KCTD8: variants seen among roughly 807,000 people sequenced by gnomAD.
KCTD8 encodes potassium channel tetramerization domain containing 8.
A neutral mutation model predicts 31.5 loss-of-function variants in KCTD8; 27 were observed. The observed-to-expected ratio is 0.86, with a 90% CI of 0.63 to 1.18. The LOEUF (loss-of-function observed/expected upper bound fraction) is 1.18. Among genes scored for constraint, KCTD8 ranks in the 50% most tolerant of loss-of-function variants. The probability of loss-of-function intolerance (pLI) is 0.00; values close to 1 mark genes in which losing one functional copy is unlikely to be tolerated. For missense variants in KCTD8, 658 were observed against 647.7 expected (o/e 1.02, Z -0.17); for synonymous variants, 290 against 280.0 (o/e 1.04, Z -0.36).
chr4:44,367,941 T>C (rs1261158734), intron 1 of KCTD8, among the ~76,000 whole-genome samples: 2 of 152,144 alleles, frequency 1.3e-5, no homozygotes, highest in African/African-American at 4.8e-5. Context: ...TTTTGTTTGC[T>C]TTATCAAGAT....
intron 1 of KCTD8, among the ~76,000 whole-genome samples, chr4:44,436,992 A>G (rs1033775413): frequency 1.3e-5 from 2 of 151,928 alleles, no homozygotes; most frequent in African/African-American, 4.8e-5. Context: ...ATATTACATT[A>G]CTCTAGATTT....
intron 1 of KCTD8, among the ~76,000 whole-genome samples, chr4:44,197,892 C>T (rs1467631031): frequency 1.3e-5 from 2 of 152,124 alleles, no homozygotes; most frequent in Non-Finnish European, 2.9e-5. Flanking sequence ...AGGTGAAACC[C>T]AATCCAAGGA....
At chr4:44,282,324 C>G (rs375511928) in intron 1 of KCTD8, among the ~76,000 whole-genome samples, 17 of 152,098 alleles carry the variant, frequency 1.1e-4, no homozygotes, top group African/African-American at 3.6e-4. Context: ...TTTGATGTTA[C>G]TATTGTAATT....
Position 44,354,152 on chromosome 4 carries a change from T to C in KCTD8, c.961+93411A>G, listed in dbSNP as rs114646161. 6.8e-3 allele frequency among the ~76,000 whole-genome samples: 1,033 copies of C among 152,300 alleles called. 16 individuals are homozygous for C. The highest frequency in any genetic ancestry group is 0.024 in the African/African-American group (996 of 41,570). ...CCAATCTTTTTTCAAATGAAACTTA[T>C]TACTCTTCTATGATAAATTTTAATC... On this transcript the variant is annotated intron_variant, in intron 1 of 1. Transcript: ENST00000360029.
chr4:44,441,636 A>G (rs1279670563), intron 1 of KCTD8, among the ~76,000 whole-genome samples: 1 of 152,192 alleles, frequency 6.6e-6, no homozygotes, highest in African/African-American at 2.4e-5. Context: ...AGAACTATTC[A>G]AATCCCAGCT....
intron 1 of KCTD8, among the ~76,000 whole-genome samples, chr4:44,445,368 T>G (rs927131141): frequency 6.6e-6 from 1 of 152,178 alleles, no homozygotes; most frequent in Non-Finnish European, 1.5e-5. Context: ...TCTCCCAAAA[T>G]AGGTTGCCTC....
intron 1 of KCTD8, among the ~76,000 whole-genome samples, chr4:44,294,968 T>G (rs1717386279): frequency 6.6e-6 from 1 of 152,036 alleles, no homozygotes; most frequent in Non-Finnish European, 1.5e-5. Context: ...CAAAATGTTC[T>G]AAGGCAAAAG....
intron 1 of KCTD8, among the ~76,000 whole-genome samples, chr4:44,329,533 T>C (rs1221016598): frequency 6.6e-6 from 1 of 151,994 alleles, no homozygotes; most frequent in Non-Finnish European, 1.5e-5. Context: ...GTTTTGTATA[T>C]ATAAGCTGTA....
At chr4:44,328,077 T>C (rs1312145080) in intron 1 of KCTD8, among the ~76,000 whole-genome samples, 2 of 151,890 alleles carry the variant, frequency 1.3e-5, no homozygotes, top group African/African-American at 4.8e-5. Flanking sequence ...GGATGATATA[T>C]AGATCCAAGT....
chr4:44,283,657 C>G (rs1716967001), intron 1 of KCTD8, among the ~76,000 whole-genome samples: 1 of 151,972 alleles, frequency 6.6e-6, no homozygotes, highest in African/African-American at 2.4e-5. Flanking sequence ...ACTATTGAGA[C>G]CTACTACATA....
chr4:44,218,739 C>A (rs1404338183), intron 1 of KCTD8, among the ~76,000 whole-genome samples: 1 of 151,956 alleles, frequency 6.6e-6, no homozygotes, highest in Non-Finnish European at 1.5e-5. Flanking sequence ...GCCCTATACT[C>A]TTACTATTCC....
intron 1 of KCTD8, among the ~76,000 whole-genome samples, chr4:44,396,761 A>G (rs1720515255): frequency 6.6e-6 from 1 of 152,196 alleles, no homozygotes; most frequent in African/African-American, 2.4e-5. Flanking sequence ...CTTAGTGTGC[A>G]GGAACGGCCT....
chr4:44,256,160 C>A (rs533459849), intron 1 of KCTD8, among the ~76,000 whole-genome samples: 1 of 151,964 alleles, frequency 6.6e-6, no homozygotes, highest in South Asian at 2.1e-4. Flanking sequence ...CCACATTATT[C>A]AATTACCTCC....
chr4:44,196,321 T>A (rs1449816703), intron 1 of KCTD8, among the ~76,000 whole-genome samples: 2 of 152,174 alleles, frequency 1.3e-5, no homozygotes, highest in Non-Finnish European at 2.9e-5. Context: ...TATGAAGAAG[T>A]AGAATACAAA....
In KCTD8 at chr4:44,448,398, G is replaced by T. The variant is rs1367371926; in HGVS notation, c.126C>A (p.Phe42Leu). The change falls in exon 1 of 2, where the codon TTC (phenylalanine) becomes TTA (leucine). Residue 42 changes from phenylalanine to leucine, a missense_variant. Phe to Leu is a conservative substitution (Grantham distance 22, BLOSUM62 0). Coordinates refer to ENST00000360029, the MANE Select transcript of KCTD8 (RefSeq NM_198353.3). The surrounding 1 kb of genome is among the most constrained non-coding windows in gnomAD (Gnocchi z 4.1). ...CTACGTTCAGCTCCACTACTTCAGGGAAGGGCGAGGGTGCGCAGGGCCCCG... is the reference window on the plus strand; with the variant it reads ...CTACGTTCAGCTCCACTACTTCAGGTAAGGGCGAGGGTGCGCAGGGCCCCG... ...AAPGPCAPSP[F>L]PEVVELNVGG... is the part of the protein sequence containing the mutation. 3 of 1,583,802 alleles carry T rather than the reference G, an allele frequency of 1.9e-6. No homozygotes were observed. Among genetic ancestry groups the T allele is most frequent in the Non-Finnish European group, 2.6e-6 (3 of 1,168,932 alleles).
intron 1 of KCTD8, among the ~76,000 whole-genome samples, chr4:44,318,060 C>A (rs1718190831): frequency 6.6e-6 from 1 of 152,182 alleles, no homozygotes; most frequent in Non-Finnish European, 1.5e-5. Flanking sequence ...TCTGGACTCC[C>A]TTGGGAGGCC....
chr4:44,360,100 G>T (rs569358508), intron 1 of KCTD8, among the ~76,000 whole-genome samples: 1 of 151,848 alleles, frequency 6.6e-6, no homozygotes, highest in South Asian at 2.1e-4. Context: ...GAAGTTAGCG[G>T]CAATACAAAA....
intron 1 of KCTD8, among the ~76,000 whole-genome samples, chr4:44,377,172 G>A (rs1044918732): frequency 2.0e-5 from 3 of 152,168 alleles, no homozygotes; most frequent in African/African-American, 7.2e-5. Flanking sequence ...TGCATTTCTT[G>A]AGGCTTCATG....
intron 1 of KCTD8, among the ~76,000 whole-genome samples, chr4:44,412,834 A>T (rs1720993911): frequency 6.6e-6 from 1 of 152,170 alleles, no homozygotes; most frequent in African/African-American, 2.4e-5. Flanking sequence ...ATTCAATATG[A>T]TTGGGCTATT....
Sources: allele counts gnomAD v4.1 joint callset (sites outside exome capture counted in the v4.1 genomes callset), GRCh38; gene constraint gnomAD v4.1.1; non-coding constraint Gnocchi (gnomAD v3.1); transcripts MANE v1.5; gene names NCBI Gene and HGNC (gene_info 2026-07-23, HGNC 2026-07-21).